The following EIPR1 variants were observed in gnomAD, a reference collection of about 807,000 sequenced individuals.
The protein encoded by EIPR1 is EARP and GARP complex-interacting protein 1.
Under a neutral mutation model 48.1 loss-of-function variants are expected in EIPR1, and 25 were observed. The ratio of observed to expected loss-of-function variants is 0.52; its 90% CI spans 0.38 to 0.73. The LOEUF is 0.73. EIPR1 is among the 30% of genes least tolerant of loss of function. EIPR1 has a pLI of 0.00. For missense variants in EIPR1, 415 were observed against 506.2 expected (o/e 0.82, Z 1.73); for synonymous variants, 204 against 201.9 (o/e 1.01, Z -0.09).
chr2:3,270,276 C>A (rs1011576460), intron 3 of EIPR1, among the ~76,000 whole-genome samples: 1 of 152,222 alleles, frequency 6.6e-6, no homozygotes, highest in African/African-American at 2.4e-5. Flanking sequence ...TCCAAAGAGT[C>A]TCTCAGAAGA....
intron 4 of EIPR1, among the ~76,000 whole-genome samples, chr2:3,224,755 G>C (rs1033488516): frequency 6.6e-6 from 1 of 152,180 alleles, no homozygotes; most frequent in African/African-American, 2.4e-5. Context: ...TGCACCTACC[G>C]AGCTGAACAT....
At chr2:3,256,955 T>C (rs1177755387) in intron 4 of EIPR1, among the ~76,000 whole-genome samples, 2 of 152,110 alleles carry the variant, frequency 1.3e-5, no homozygotes, top group East Asian at 3.9e-4. Context: ...ATAATTGCCA[T>C]GTGAGTGTGA....
chr2:3,204,528 T>C (rs1665160891), intron 5 of EIPR1, among the ~76,000 whole-genome samples: 1 of 152,226 alleles, frequency 6.6e-6, no homozygotes, highest in Admixed American at 6.5e-5. Context: ...AATCTGTTTT[T>C]CGACATTAAA....
At position 3,189,237 on chromosome 2, in the gene EIPR1, A is replaced by G; in HGVS notation, c.*97T>C. The G allele has an allele frequency of 7.7e-7, 1 of 1,291,970 alleles. No individual in the cohort carries two copies. The allele number at this position is 1,291,970 out of a possible 1,614,324, so 80.0% of individuals were successfully genotyped here. A position where few individuals can be genotyped will look rare whatever the true frequency, so the allele number is the denominator to read the frequency against. On this transcript the variant is annotated 3_prime_UTR_variant, in exon 9 of 9. Transcript: ENST00000382125. This position sits in a 1 kb window ranked among gnomAD's most constrained non-coding sequence, Gnocchi z 4.6. ...CAGCGGCTCTCCCAGAGAGGGATCC[A>G]CCTGGAACACGAGTCACCTCCAAAG...
chr2:3,318,842 C>T, intron 3 of EIPR1: 1 of 470,830 alleles, frequency 2.1e-6, no homozygotes, highest in Non-Finnish European at 4.4e-6. Context: ...TTTACATAAA[C>T]ACCTTTGAGC....
chr2:3,252,222 C>A (rs111682603), intron 4 of EIPR1, among the ~76,000 whole-genome samples: 1 of 152,184 alleles, frequency 6.6e-6, no homozygotes, highest in Non-Finnish European at 1.5e-5. Flanking sequence ...AGAGGCTCAG[C>A]GTCCACAGAG....
intron 5 of EIPR1, among the ~76,000 whole-genome samples, chr2:3,210,840 C>T (rs1159400937): frequency 6.6e-6 from 1 of 151,980 alleles, no homozygotes; most frequent in African/African-American, 2.4e-5. Flanking sequence ...GGTTTCACCA[C>T]GTTGGCCAGG....
At chr2:3,300,290 A>G (rs1668727523) in intron 3 of EIPR1, among the ~76,000 whole-genome samples, 1 of 152,230 alleles carries the variant, frequency 6.6e-6, no homozygotes, top group Non-Finnish European at 1.5e-5. Context: ...CCTGTAACAC[A>G]TGTACTCTCC....
At chr2:3,282,717 C>A (rs773406777) in intron 3 of EIPR1, 1 of 152,312 alleles carries the variant, frequency 6.6e-6, no homozygotes, top group African/African-American at 2.4e-5. Context: ...GCGCCTGTCG[C>A]GGTGCTGGCT....
At chr2:3,322,120 G>A (rs1177198946) in intron 3 of EIPR1, among the ~76,000 whole-genome samples, 4 of 152,186 alleles carry the variant, frequency 2.6e-5, no homozygotes, top group Admixed American at 6.5e-5. Flanking sequence ...TCTGAAATCC[G>A]CTCTTCCCAG....
intron 3 of EIPR1, among the ~76,000 whole-genome samples, chr2:3,325,996 GTGGGCTTTGTTGCC>G (rs1462349882): frequency 2.0e-5 from 3 of 152,234 alleles, no homozygotes; most frequent in East Asian, 1.9e-4. Flanking sequence ...AATGCTTCCA[GTGGGCTTTGTTGCC>G]TGTGCCAGGG....
At position 3,294,370 on chromosome 2, in the gene EIPR1, G is replaced by A. The variant is rs1668464112; in HGVS notation, c.260-36915C>T. Among the ~76,000 whole-genome samples, 5 of 120,476 alleles carry A rather than the reference G, an allele frequency of 4.2e-5. No homozygotes were observed. The South Asian group carries it at 1.3e-3, about 32-fold the overall frequency. The allele number at this position is 120,476 out of a possible 152,430, so 79.0% of individuals were successfully genotyped here. A position where few individuals can be genotyped will look rare whatever the true frequency, so the allele number is the denominator to read the frequency against. Reference sequence around the variant, plus strand: ...TCTGCACACATACACCCTCTATCCAGGCCATCCTCTCTCCACACACACCCT... The same window carrying A: ...TCTGCACACATACACCCTCTATCCAAGCCATCCTCTCTCCACACACACCCT... On this transcript the variant is annotated intron_variant, in intron 3 of 8. Transcript: ENST00000382125.
intron 4 of EIPR1, among the ~76,000 whole-genome samples, chr2:3,227,673 A>G (rs964901653): frequency 2.6e-5 from 4 of 152,238 alleles, no homozygotes; most frequent in Non-Finnish European, 5.9e-5. Context: ...AGCTGCTCCC[A>G]TCACAGGCCC....
chr2:3,255,832 C>T lies in EIPR1; in HGVS notation c.416+1467G>A, dbSNP rs202157932. ...ACACATACACAAATGTGCACACATACGTGTGCACAGAGACACAAGCACAAA... is the reference window on the plus strand; with the variant it reads ...ACACATACACAAATGTGCACACATATGTGTGCACAGAGACACAAGCACAAA... On this transcript the variant is annotated intron_variant, in intron 4 of 8. Coordinates refer to ENST00000382125, the MANE Select transcript of EIPR1 (RefSeq NM_003310.5). 3.3e-5 allele frequency among the ~76,000 whole-genome samples: 5 copies of T among 152,296 alleles called. No homozygotes were observed. In the East Asian group the frequency reaches 9.7e-4, roughly 29 times the overall value.
chr2:3,377,140 T>C (rs139126186), intron 1 of EIPR1, among the ~76,000 whole-genome samples: 1 of 152,230 alleles, frequency 6.6e-6, no homozygotes, highest in African/African-American at 2.4e-5. Flanking sequence ...TTACTGAATA[T>C]TAGTGTACCA....
intron 3 of EIPR1, among the ~76,000 whole-genome samples, chr2:3,268,754 G>A (rs1010513622): frequency 6.6e-6 from 1 of 152,206 alleles, no homozygotes; most frequent in African/African-American, 2.4e-5. Context: ...GCACAGGGGT[G>A]GGAAGTAAGC....
At chr2:3,291,317 G>A (rs562739747) in intron 3 of EIPR1, among the ~76,000 whole-genome samples, 8 of 152,120 alleles carry the variant, frequency 5.3e-5, no homozygotes, top group Admixed American at 2.6e-4. Context: ...CCGAATCCAC[G>A]TAGCGGGCTG....
At chr2:3,290,571 A>T (rs1668335902) in intron 3 of EIPR1, among the ~76,000 whole-genome samples, 1 of 152,164 alleles carries the variant, frequency 6.6e-6, no homozygotes, top group African/African-American at 2.4e-5. Flanking sequence ...TAGTCTTTGT[A>T]ATGGGTCTTG....
rs1664712153 is a variant in EIPR1 at position 3,194,157 on chromosome 2, G to A, written c.663C>T (p.Tyr221=). 1.2e-6 allele frequency: 2 copies of A among 1,613,738 alleles called. No homozygotes were observed. Among genetic ancestry groups the A allele is most frequent in the Non-Finnish European group, 1.7e-6 (2 of 1,179,916 alleles). The change falls in exon 7 of 9, where the codon TAC becomes TAT. Residue 221 remains tyrosine (Y), a synonymous_variant. Coordinates refer to ENST00000382125, the MANE Select transcript of EIPR1 (RefSeq NM_003310.5). ...GCTGTCCGTGGGCATTCTCTATGCA[G>A]TAGATCTGGCTGAGGGAGAAGGAAG... is the stretch of plus-strand genomic sequence containing the variant. ...GWDTRSMSQI[Y]CIENAHGQLV...
Sources: allele counts gnomAD v4.1 joint callset (sites outside exome capture counted in the v4.1 genomes callset), GRCh38; gene constraint gnomAD v4.1.1; non-coding constraint Gnocchi (gnomAD v3.1); transcripts MANE v1.5; gene names NCBI Gene and HGNC (gene_info 2026-07-23, HGNC 2026-07-21).